Variants in SOX5 observed in about 807,000 individuals in gnomAD.
SOX5 encodes SRY-box transcription factor 5.
SOX5 carries 9 observed loss-of-function variants against 92.0 expected under a neutral mutation model. The observed-to-expected ratio is 0.10, with a 90% CI of 0.06 to 0.17. SOX5 has a LOEUF of 0.17. Among genes scored for constraint, SOX5 ranks in the 10% least tolerant of loss-of-function variants. The pLI is 1.00. For missense variants in SOX5, 642 were observed against 944.5 expected, an observed-to-expected ratio of 0.68 and a Z score of 4.20; for synonymous variants, 344 against 336.3, an observed-to-expected ratio of 1.02 and a Z score of -0.25.
At chr12:24,526,595 G>A (rs1395494278) in intron 1 of SOX5, among the ~76,000 whole-genome samples, 4 of 152,096 alleles carry the variant, frequency 2.6e-5, no homozygotes, top group African/African-American at 7.2e-5. Context: ...GGGAGAGGAA[G>A]TATAACAAAA....
chr12:23,989,942 T>C (rs1950407843), intron 4 of SOX5, among the ~76,000 whole-genome samples: 1 of 151,962 alleles, frequency 6.6e-6, no homozygotes, highest in Non-Finnish European at 1.5e-5. Flanking sequence ...AGAGAAAATA[T>C]TCAGATACAA....
At chr12:23,651,032 G>T (rs1050880480) in intron 7 of SOX5, among the ~76,000 whole-genome samples, 1 of 151,960 alleles carries the variant, frequency 6.6e-6, no homozygotes, top group Non-Finnish European at 1.5e-5. Flanking sequence ...AAATATGTGA[G>T]AATTTTTTTT....
At chr12:24,448,409 T>C (rs996083106) in intron 1 of SOX5, among the ~76,000 whole-genome samples, 1 of 152,086 alleles carries the variant, frequency 6.6e-6, no homozygotes, top group Non-Finnish European at 1.5e-5. Context: ...GAAGAACTTA[T>C]TATAAACCTG....
chr12:24,267,632 G>GT (rs1175307837), intron 3 of SOX5, among the ~76,000 whole-genome samples: 2 of 152,024 alleles, frequency 1.3e-5, no homozygotes, highest in Non-Finnish European at 2.9e-5. Context: ...TGGGTTCATG[G>GT]TTTTTACTTA....
chr12:24,104,557 T>C (rs768942221), intron 4 of SOX5, among the ~76,000 whole-genome samples: 2 of 152,238 alleles, frequency 1.3e-5, no homozygotes, highest in Non-Finnish European at 2.9e-5. Flanking sequence ...GAATGCTTGG[T>C]GACATCATTA....
chr12:24,045,642 T>C (rs146213715), intron 4 of SOX5, among the ~76,000 whole-genome samples: 186 of 152,314 alleles, frequency 1.2e-3, no homozygotes, highest in African/African-American at 4.3e-3. Context: ...GAAACTGCTA[T>C]GTACTTCCGT....
intron 4 of SOX5, among the ~76,000 whole-genome samples, chr12:24,047,802 C>T (rs1003111068): frequency 6.6e-6 from 1 of 152,194 alleles, no homozygotes; most frequent in African/African-American, 2.4e-5. Context: ...TTGGTTGACA[C>T]AATTGCATAA....
At chr12:24,419,031 A>C (rs1965484420) in intron 1 of SOX5, among the ~76,000 whole-genome samples, 1 of 152,108 alleles carries the variant, frequency 6.6e-6, no homozygotes, top group Admixed American at 6.5e-5. Context: ...AGCACAACAA[A>C]TGTTGTGTGT....
At chr12:24,526,719 A>G (rs1196651960) in intron 1 of SOX5, among the ~76,000 whole-genome samples, 1 of 152,174 alleles carries the variant, frequency 6.6e-6, no homozygotes, top group African/African-American at 2.4e-5. Flanking sequence ...TCATCTCAGA[A>G]TACCATCTCG....
At chr12:24,388,159 A>G (rs1197899140) in intron 1 of SOX5, among the ~76,000 whole-genome samples, 1 of 152,200 alleles carries the variant, frequency 6.6e-6, no homozygotes, top group African/African-American at 2.4e-5. Flanking sequence ...CCCTCTTTCC[A>G]GAAATCAAAA....
chr12:24,347,405 C>A (rs1953441610), intron 2 of SOX5, among the ~76,000 whole-genome samples: 1 of 152,084 alleles, frequency 6.6e-6, no homozygotes, highest in Non-Finnish European at 1.5e-5. Context: ...TATGGAACAG[C>A]TAAATCAAGC....
chr12:24,247,577 G>A (rs75459915), intron 3 of SOX5, among the ~76,000 whole-genome samples: 16,320 of 151,688 alleles, frequency 0.11, 1,212 homozygotes, highest in Non-Finnish European at 0.15. Flanking sequence ...GGTTGGATAA[G>A]CAGAGCCTTG....
chr12:23,992,452 G>C (rs28740811), intron 4 of SOX5, among the ~76,000 whole-genome samples: 3 of 152,002 alleles, frequency 2.0e-5, no homozygotes, highest in Non-Finnish European at 2.9e-5. Flanking sequence ...TACATAATTT[G>C]CAAAGTAGCC....
chr12:24,120,319 C>A (rs1161923113), intron 4 of SOX5, among the ~76,000 whole-genome samples: 1 of 152,160 alleles, frequency 6.6e-6, no homozygotes, highest in Non-Finnish European at 1.5e-5. Context: ...TTCTCCATAT[C>A]CTCACTACAG....
chr12:23,753,875 T>C (rs898314221), intron 4 of SOX5, among the ~76,000 whole-genome samples: 3 of 151,752 alleles, frequency 2.0e-5, no homozygotes, highest in African/African-American at 4.8e-5. Context: ...GGGCAGTCAG[T>C]AGGAAAAGTA....
At chr12:24,367,061 T>G (rs1404293690) in intron 2 of SOX5, among the ~76,000 whole-genome samples, 4 of 152,206 alleles carry the variant, frequency 2.6e-5, no homozygotes, top group Non-Finnish European at 5.9e-5. Context: ...AAATCCATTT[T>G]GCTTAAGTAT....
intron 4 of SOX5, among the ~76,000 whole-genome samples, chr12:24,106,085 A>G (rs1946632415): frequency 6.6e-6 from 1 of 152,150 alleles, no homozygotes; most frequent in South Asian, 2.1e-4. Context: ...TTTTATATAA[A>G]CTAAAATCAT....
chr12:23,584,614 A>G (rs1345476181), intron 9 of SOX5: 1 of 1,603,108 alleles, frequency 6.2e-7, no homozygotes, highest in East Asian at 2.2e-5. Flanking sequence ...TGACTGTTTA[A>G]TGAGTAATGA....
chr12:23,939,218 A>G (rs1481427641), intron 1 of SOX5, among the ~76,000 whole-genome samples: 1 of 151,164 alleles, frequency 6.6e-6, no homozygotes, highest in Non-Finnish European at 1.5e-5. Flanking sequence ...CCAACTTTGT[A>G]TATAGCTAAA....
Sources: allele counts gnomAD v4.1 joint callset (sites outside exome capture counted in the v4.1 genomes callset), GRCh38; gene constraint gnomAD v4.1.1; transcripts MANE v1.5; gene names NCBI Gene and HGNC (gene_info 2026-07-23, HGNC 2026-07-21).